Variants in SUSD6 observed in about 807,000 individuals in gnomAD.
SUSD6 encodes the protein sushi domain-containing protein 6.
A neutral mutation model predicts 28.4 loss-of-function variants in SUSD6; 16 were observed. That is an observed-to-expected ratio of 0.56 (90% CI 0.38 to 0.86). The LOEUF (loss-of-function observed/expected upper bound fraction) is 0.86. Among genes scored for constraint, SUSD6 ranks in the 40% least tolerant of loss-of-function variants. The probability of loss-of-function intolerance (pLI) is 0.00; values close to 1 mark genes in which losing one functional copy is unlikely to be tolerated. For synonymous variants in SUSD6, 147 were observed against 159.6 expected (o/e 0.92, Z 0.59); for missense variants, 341 against 384.2 (o/e 0.89, Z 0.94).
chr14:69,652,237 A>G (rs1037387382), intron 1 of SUSD6, among the ~76,000 whole-genome samples: 1 of 152,214 alleles, frequency 6.6e-6, no homozygotes, highest in Admixed American at 6.5e-5. Context: ...ACTTGAGGTC[A>G]GGAGTTAGAG....
intron 2 of SUSD6, among the ~76,000 whole-genome samples, chr14:69,667,146 A>G (rs912871646): frequency 1.3e-5 from 2 of 152,172 alleles, no homozygotes; most frequent in Non-Finnish European, 2.9e-5. Context: ...TGCACACTAG[A>G]CTATGACTGA....
At chr14:69,641,737 A>G (rs907205267) in intron 1 of SUSD6, among the ~76,000 whole-genome samples, 3 of 151,784 alleles carry the variant, frequency 2.0e-5, no homozygotes, top group Non-Finnish European at 2.9e-5. Flanking sequence ...TTACAGGTGC[A>G]TGCCACTACA....
In SUSD6 at chr14:69,703,410, C is replaced by T. The variant is rs371600178; in HGVS notation, c.137C>T (p.Pro46Leu). ...GTCTTTGCAGTGTGCCCCCTACCAC[C>T]GGAGCCAGAGAATGGTGGCTACATC... Reference protein sequence around the residue: ...DGLASVCPLPPEPENGGYICH... With the variant: ...DGLASVCPLPLEPENGGYICH... The change falls in exon 3 of 6, where the codon CCG becomes CTG. Residue 46 changes from proline to leucine, a missense_variant. Coordinates refer to ENST00000342745, the MANE Select transcript of SUSD6 (RefSeq NM_014734.4). 2.7e-5 allele frequency: 43 copies of T among 1,613,802 alleles called. No homozygotes were observed. Among genetic ancestry groups the T allele is most frequent in the Admixed American group, 5.0e-5 (3 of 60,030 alleles).
intron 1 of SUSD6, among the ~76,000 whole-genome samples, chr14:69,623,065 G>A (rs1885064904): frequency 6.6e-6 from 1 of 152,200 alleles, no homozygotes; most frequent in South Asian, 2.1e-4. Flanking sequence ...ACACCGGTAT[G>A]ATAGCACATG....
At chr14:69,635,596 CA>C (rs1323038103) in intron 1 of SUSD6, among the ~76,000 whole-genome samples, 274 of 3,248 alleles carry the variant, frequency 0.084, 2 homozygotes, top group African/African-American at 0.33. Flanking sequence ...CAAGGCACAC[CA>C]CACACACACA....
chr14:69,632,185 A>G (rs1040970004), intron 1 of SUSD6, among the ~76,000 whole-genome samples: 4 of 152,192 alleles, frequency 2.6e-5, no homozygotes, highest in African/African-American at 7.2e-5. Context: ...GTTAATGGCA[A>G]CCCTTCCAGA....
At chr14:69,662,654 A>G (rs950911431) in intron 2 of SUSD6, among the ~76,000 whole-genome samples, 4 of 152,178 alleles carry the variant, frequency 2.6e-5, no homozygotes, top group East Asian at 1.9e-4. Flanking sequence ...AATAAAATCT[A>G]TGCACATGCT....
chr14:69,703,947 T>G (rs55939849), intron 3 of SUSD6: 1 of 258,104 alleles, frequency 3.9e-6, no homozygotes, highest in African/African-American at 2.2e-5. Flanking sequence ...CATTTTTCCT[T>G]GAATGGAGCT....
chr14:69,698,200 C>T (rs1204879490), intron 2 of SUSD6, among the ~76,000 whole-genome samples: 4 of 152,110 alleles, frequency 2.6e-5, no homozygotes, highest in Non-Finnish European at 5.9e-5. Flanking sequence ...TGGTGGCACA[C>T]GCCTGTAGTC....
intron 1 of SUSD6, among the ~76,000 whole-genome samples, chr14:69,639,923 T>TG (rs1268412684): frequency 7.8e-5 from 11 of 140,968 alleles, no homozygotes; most frequent in Admixed American, 2.2e-4. Flanking sequence ...ACTAGTATTT[T>TG]GGGGAAGAGA....
chr14:69,694,849 A>G (rs1052899984), intron 2 of SUSD6, among the ~76,000 whole-genome samples: 10 of 152,086 alleles, frequency 6.6e-5, no homozygotes, highest in South Asian at 4.1e-4. Flanking sequence ...GGCCTGTCCC[A>G]CCTGTCAGTT....
intron 1 of SUSD6, among the ~76,000 whole-genome samples, chr14:69,654,006 A>G (rs538602407): frequency 2.0e-5 from 3 of 151,840 alleles, no homozygotes; most frequent in Non-Finnish European, 2.9e-5. Context: ...ACTACCTTCT[A>G]TTTATCTTTT....
At chr14:69,687,583 G>A (rs1378874529) in intron 2 of SUSD6, among the ~76,000 whole-genome samples, 1 of 152,172 alleles carries the variant, frequency 6.6e-6, no homozygotes, top group Non-Finnish European at 1.5e-5. Context: ...GTTTCAATCC[G>A]TAACTGTGGG....
At chr14:69,659,684 A>AT (rs1389253674) in intron 2 of SUSD6, among the ~76,000 whole-genome samples, 2 of 151,988 alleles carry the variant, frequency 1.3e-5, no homozygotes, top group African/African-American at 2.4e-5. Flanking sequence ...CACCTAGCTA[A>AT]TTTTTTTATT....
chr14:69,640,487 A>C (rs1017567495), intron 1 of SUSD6, among the ~76,000 whole-genome samples: 15 of 152,198 alleles, frequency 9.9e-5, no homozygotes, highest in Non-Finnish European at 1.9e-4. Context: ...GGTGCACACC[A>C]CCACACCTGG....
chr14:69,655,556 G>C (rs1885569713), intron 1 of SUSD6, among the ~76,000 whole-genome samples: 2 of 152,068 alleles, frequency 1.3e-5, no homozygotes, highest in South Asian at 4.1e-4. Context: ...CAGCCCTTTG[G>C]GAGGCTGAGT....
chr14:69,615,541 C>G (rs955814740), intron 1 of SUSD6: 2 of 152,278 alleles, frequency 1.3e-5, no homozygotes, highest in Non-Finnish European at 2.9e-5. Flanking sequence ...TGGAAACCAG[C>G]AGGGTGCCTC....
intron 2 of SUSD6, among the ~76,000 whole-genome samples, chr14:69,699,677 T>A (rs1267116205): frequency 6.6e-6 from 1 of 151,982 alleles, no homozygotes; most frequent in Non-Finnish European, 1.5e-5. Context: ...GTACTGAGTT[T>A]ATTTTGCCAT....
chr14:69,707,348 C>A (rs140682368), intron 4 of SUSD6, among the ~76,000 whole-genome samples: 1 of 152,094 alleles, frequency 6.6e-6, no homozygotes, highest in Non-Finnish European at 1.5e-5. Flanking sequence ...CAAAAGTGAT[C>A]CCCAAAAAAG....
Sources: gnomAD v4.1 joint callset for allele counts (sites outside exome capture counted in the v4.1 genomes callset) on GRCh38, gnomAD v4.1.1 for gene constraint, MANE v1.5 for transcripts, NCBI Gene and HGNC (gene_info 2026-07-23, HGNC 2026-07-21) for gene names.